The following TMEM267 variants were observed in gnomAD, a reference collection of about 807,000 sequenced individuals.
TMEM267 encodes transmembrane protein C5orf28.
In TMEM267, 20 loss-of-function variants were observed where a neutral mutation model predicts 19.3. The observed-to-expected ratio is 1.04, with a 90% confidence interval of 0.73 to 1.51. The LOEUF (loss-of-function observed/expected upper bound fraction) is 1.51. Among genes scored for constraint, TMEM267 ranks in the 40% most tolerant of loss-of-function variants. The pLI, the probability that TMEM267 is intolerant of heterozygous loss-of-function variation, is 0.00. For synonymous variants in TMEM267, 88 were observed against 90.3 expected, an observed-to-expected ratio of 0.97 and a Z score of 0.15; for missense variants, 242 against 261.9, an observed-to-expected ratio of 0.92 and a Z score of 0.52.
chr5:43,466,639 C>T (rs190928913), intron 1 of TMEM267, among the ~76,000 whole-genome samples: 26 of 152,240 alleles, frequency 1.7e-4, no homozygotes, highest in African/African-American at 6.0e-4. Context: ...GAAGTTAAAA[C>T]AGAGTTTTTA....
At chr5:43,482,947 T>G (rs1744878164) in intron 1 of TMEM267, among the ~76,000 whole-genome samples, 1 of 152,252 alleles carries the variant, frequency 6.6e-6, no homozygotes. Context: ...AAGTGTCATC[T>G]GTTTTAACTT....
At chr5:43,472,342 G>A (rs1036392550) in intron 1 of TMEM267, among the ~76,000 whole-genome samples, 4 of 151,880 alleles carry the variant, frequency 2.6e-5, no homozygotes, top group African/African-American at 9.7e-5. Flanking sequence ...TCTCTTGGTG[G>A]GAATGTAAAT....
intron 1 of TMEM267, among the ~76,000 whole-genome samples, chr5:43,457,047 C>G (rs1277170023): frequency 6.6e-6 from 1 of 152,082 alleles, no homozygotes; most frequent in Non-Finnish European, 1.5e-5. Context: ...ACATGTGATA[C>G]ACATAAAAAC....
rs756796297 is a variant in TMEM267 at position 43,446,305 on chromosome 5, G to T, written c.565C>A (p.Pro189Thr). 169 of 1,613,688 alleles carry T rather than the reference G, an allele frequency of 1.0e-4. No homozygotes were observed. The highest frequency in any genetic ancestry group is 1.4e-4 in the Non-Finnish European group (162 of 1,179,702). The stretch of plus-strand genomic sequence containing the variant: ...TACATAACGAATGAACAGATGTGAG[G>T]TAAAGATGATGTGATTATTACATAA... ...WLYVIITSSL[P>T]HICSFVMYLT... Residue 189 changes from proline to threonine, a missense_variant, in exon 3 of 3, where the codon CCT becomes ACT. Transcript: ENST00000397080.
At chr5:43,454,281 C>T (rs1474217299) in intron 1 of TMEM267, among the ~76,000 whole-genome samples, 1 of 148,954 alleles carries the variant, frequency 6.7e-6, no homozygotes, top group Non-Finnish European at 1.5e-5. Flanking sequence ...AGAAAGCCCA[C>T]CAACTGCAAT....
At chr5:43,475,608 C>G (rs975657074) in intron 1 of TMEM267, among the ~76,000 whole-genome samples, 13 of 151,894 alleles carry the variant, frequency 8.6e-5, no homozygotes, top group African/African-American at 2.7e-4. Flanking sequence ...AGAATAAAGG[C>G]AGGAGAGGGA....
At chr5:43,480,797 CTTT>C (rs869260304) in intron 1 of TMEM267, among the ~76,000 whole-genome samples, 339 of 79,540 alleles carry the variant, frequency 4.3e-3, no homozygotes, top group African/African-American at 0.016. Context: ...AATAATCTTA[CTTT>C]TTTTTTTTTT....
chr5:43,450,433 T>C (rs996064946), intron 2 of TMEM267, among the ~76,000 whole-genome samples: 1 of 152,254 alleles, frequency 6.6e-6, no homozygotes, highest in Non-Finnish European at 1.5e-5. Flanking sequence ...TACCACCTTA[T>C]GGTGGATGTA....
intron 1 of TMEM267, among the ~76,000 whole-genome samples, chr5:43,456,039 G>A (rs1742929427): frequency 6.6e-6 from 1 of 151,096 alleles, no homozygotes; most frequent in Admixed American, 6.6e-5. Context: ...TCTCTAGAGA[G>A]GCCTCGAACT....
rs755813985 is a variant in TMEM267 at position 43,453,674 on chromosome 5, C to A, written c.296G>T (p.Gly99Val). The change falls in exon 2 of 3, where the codon GGA becomes GTA. Residue 99 changes from glycine (G) to valine (V), a missense_variant. Gly to Val is a moderately radical substitution (Grantham distance 109). Transcript: ENST00000397080. ...VIDVDHFFLA[G>V]SMSLKAALTL... ...GCTTTTTACCTTTAAAGACATGGAT[C>A]CAGCTAGAAAAAAGTGGTCTACATC... is the stretch of plus-strand genomic sequence containing the variant. 1.2e-6 allele frequency: 2 copies of A among 1,613,650 alleles called. No homozygotes were observed. Among genetic ancestry groups the A allele is most frequent in the South Asian group, 2.2e-5 (2 of 90,978 alleles).
chr5:43,469,779 A>T (rs951183917), intron 1 of TMEM267, among the ~76,000 whole-genome samples: 7 of 152,214 alleles, frequency 4.6e-5, no homozygotes, highest in Non-Finnish European at 7.3e-5. Context: ...CTACAAAGAT[A>T]AAAAGCTACA....
intron 2 of TMEM267, among the ~76,000 whole-genome samples, chr5:43,453,045 A>G (rs1001047421): frequency 1.3e-5 from 2 of 152,222 alleles, no homozygotes; most frequent in East Asian, 1.9e-4. Flanking sequence ...TGTGAACTAT[A>G]TAACTGAACT....
At chr5:43,455,872 CAG>C (rs762041893) in intron 1 of TMEM267, among the ~76,000 whole-genome samples, 3 of 151,340 alleles carry the variant, frequency 2.0e-5, no homozygotes, top group Non-Finnish European at 4.4e-5. Context: ...TTATTTAAGA[CAG>C]AGTTTTACTG....
intron 1 of TMEM267, among the ~76,000 whole-genome samples, chr5:43,479,340 A>T (rs1744618992): frequency 6.6e-6 from 1 of 151,996 alleles, no homozygotes; most frequent in Admixed American, 6.6e-5. Flanking sequence ...TGTAATCATT[A>T]CTTTTTTTCC....
chr5:43,463,097 T>C (rs1363733810), intron 1 of TMEM267, among the ~76,000 whole-genome samples: 1 of 152,088 alleles, frequency 6.6e-6, no homozygotes, highest in Non-Finnish European at 1.5e-5. Flanking sequence ...TAAAAAATGA[T>C]AAAGGGGATA....
chr5:43,451,685 T>C (rs946546789), intron 2 of TMEM267, among the ~76,000 whole-genome samples: 1 of 152,286 alleles, frequency 6.6e-6, no homozygotes, highest in African/African-American at 2.4e-5. Context: ...TGGAAAACAA[T>C]ATGGAGATTT....
intron 1 of TMEM267, among the ~76,000 whole-genome samples, chr5:43,471,571 C>T (rs767380781): frequency 1.5e-4 from 23 of 152,152 alleles, no homozygotes; most frequent in South Asian, 1.2e-3. Flanking sequence ...ACCAAAACAG[C>T]ATGGTTCTGA....
intron 1 of TMEM267, among the ~76,000 whole-genome samples, chr5:43,468,024 C>A (rs1313489208): frequency 6.7e-6 from 1 of 148,826 alleles, no homozygotes; most frequent in Non-Finnish European, 1.5e-5. Flanking sequence ...ATTAAGAGTC[C>A]TTTATTAGCC....
At chr5:43,451,665 A>G (rs1327258293) in intron 2 of TMEM267, among the ~76,000 whole-genome samples, 1 of 152,222 alleles carries the variant, frequency 6.6e-6, no homozygotes, top group Non-Finnish European at 1.5e-5. Flanking sequence ...ATAAATTAGT[A>G]TAACCTCTAT....
Sources: gnomAD v4.1 joint callset for allele counts (sites outside exome capture counted in the v4.1 genomes callset) on GRCh38, gnomAD v4.1.1 for gene constraint, MANE v1.5 for transcripts, NCBI Gene and HGNC (gene_info 2026-07-23, HGNC 2026-07-21) for gene names.